The following RAB31 variants were observed in gnomAD, a reference collection of about 807,000 sequenced individuals.
RAB31 encodes the protein ras-related protein Rab-31.
Under a neutral mutation model 25.6 loss-of-function variants are expected in RAB31, and 21 were observed. That is an observed-to-expected ratio of 0.82 (90% CI 0.58 to 1.18). RAB31 has a LOEUF of 1.18. Ranked by LOEUF, RAB31 falls within the 50% of genes most tolerant of loss-of-function variation. The pLI is 0.00. For synonymous variants in RAB31, 87 were observed against 84.0 expected (o/e 1.04, Z -0.20); for missense variants, 196 against 250.1 (o/e 0.78, Z 1.46).
intron 1 of RAB31, among the ~76,000 whole-genome samples, chr18:9,717,524 T>G (rs889635310): frequency 2.0e-5 from 3 of 150,106 alleles, no homozygotes; most frequent in African/African-American, 7.3e-5. Flanking sequence ...TGCCTTTCTA[T>G]CAATGTATTT....
In RAB31 at chr18:9,778,290, C is replaced by T. The variant is rs2068383860; in HGVS notation, c.119+2933C>T. Among the ~76,000 whole-genome samples the T allele has an allele frequency of 5.3e-5, 8 of 151,896 alleles. No homozygotes were observed. The South Asian group carries it at 1.7e-3, about 32-fold the overall frequency. ...AGCCGTGTGTGCATGGAGGGAGGGT[C>T]GGGGATGGATTGCTGCTACCATTTT... On this transcript the variant is annotated intron_variant, in intron 2 of 6. Transcript: ENST00000578921.
At chr18:9,724,249 C>T (rs1442422273) in intron 1 of RAB31, among the ~76,000 whole-genome samples, 9 of 110,236 alleles carry the variant, frequency 8.2e-5, no homozygotes, top group African/African-American at 1.4e-4. Context: ...CCAGCCTGGG[C>T]GACAGAGCGA....
intron 5 of RAB31, among the ~76,000 whole-genome samples, chr18:9,827,349 G>A (rs947391128): frequency 6.6e-6 from 1 of 152,100 alleles, no homozygotes; most frequent in Non-Finnish European, 1.5e-5. Flanking sequence ...ACAAGTGGTA[G>A]CAGTGGGAAG....
chr18:9,782,799 T>A (rs1599036480), intron 2 of RAB31, among the ~76,000 whole-genome samples: 1 of 152,268 alleles, frequency 6.6e-6, no homozygotes, highest in Admixed American at 6.5e-5. Context: ...CAGGCTCAAG[T>A]GATCCTCCCA....
At chr18:9,783,607 A>T (rs1349417198) in intron 2 of RAB31, among the ~76,000 whole-genome samples, 1 of 152,224 alleles carries the variant, frequency 6.6e-6, no homozygotes, top group Non-Finnish European at 1.5e-5. Flanking sequence ...TAAAATTTTT[A>T]AATGAGTTTA....
At chr18:9,774,285 A>G (rs2068360787) in intron 1 of RAB31, among the ~76,000 whole-genome samples, 1 of 151,800 alleles carries the variant, frequency 6.6e-6, no homozygotes, top group Non-Finnish European at 1.5e-5. Flanking sequence ...CCCCTCCCTT[A>G]CCTGTGCCTG....
At chr18:9,857,981 G>A (rs1336212159) in intron 6 of RAB31, among the ~76,000 whole-genome samples, 1 of 152,158 alleles carries the variant, frequency 6.6e-6, no homozygotes, top group Non-Finnish European at 1.5e-5. Flanking sequence ...AGTAAGCCAT[G>A]ATCAAGCCAC....
At chr18:9,823,564 T>C (rs1003589127) in intron 5 of RAB31, among the ~76,000 whole-genome samples, 1 of 152,178 alleles carries the variant, frequency 6.6e-6, no homozygotes, top group African/African-American at 2.4e-5. Flanking sequence ...TACAACTGCA[T>C]GTAAACGAAT....
At chr18:9,822,222 A>G (rs1234823362) in intron 5 of RAB31, among the ~76,000 whole-genome samples, 1 of 152,204 alleles carries the variant, frequency 6.6e-6, no homozygotes, top group African/African-American at 2.4e-5. Flanking sequence ...AAGCAATTCA[A>G]CCAATGACCT....
chr18:9,783,378 C>G (rs910234189), intron 2 of RAB31, among the ~76,000 whole-genome samples: 9 of 152,134 alleles, frequency 5.9e-5, no homozygotes, highest in African/African-American at 1.4e-4. Flanking sequence ...TGGTTCCCCC[C>G]CCTTACCTGC....
intron 1 of RAB31, among the ~76,000 whole-genome samples, chr18:9,753,419 T>A (rs2068245256): frequency 6.6e-6 from 1 of 152,238 alleles, no homozygotes; most frequent in Non-Finnish European, 1.5e-5. Flanking sequence ...TGTGATGCCC[T>A]GCTCCACCTT....
chr18:9,742,718 G>A (rs975113332), intron 1 of RAB31, among the ~76,000 whole-genome samples: 8 of 152,172 alleles, frequency 5.3e-5, no homozygotes, highest in African/African-American at 1.7e-4. Context: ...GGGAAGGAAA[G>A]GGAATGAAAT....
chr18:9,833,778 G>C (rs1022997275), intron 5 of RAB31, among the ~76,000 whole-genome samples: 1 of 152,156 alleles, frequency 6.6e-6, no homozygotes, highest in African/African-American at 2.4e-5. Context: ...TCTGATCTAT[G>C]AGCTGTTATT....
At chr18:9,753,873 C>T (rs574218320) in intron 1 of RAB31, among the ~76,000 whole-genome samples, 3 of 152,100 alleles carry the variant, frequency 2.0e-5, no homozygotes, top group Non-Finnish European at 2.9e-5. Context: ...GCTGTAATTC[C>T]TAAAAGATAG....
chr18:9,835,947 A>C (rs1473026410), intron 5 of RAB31, among the ~76,000 whole-genome samples: 1 of 152,070 alleles, frequency 6.6e-6, no homozygotes, highest in Non-Finnish European at 1.5e-5. Flanking sequence ...TGCTTGCCGG[A>C]ACGGGGCCTG....
At chr18:9,736,989 A>G (rs2068154267) in intron 1 of RAB31, among the ~76,000 whole-genome samples, 2 of 152,200 alleles carry the variant, frequency 1.3e-5, no homozygotes, top group African/African-American at 4.8e-5. Flanking sequence ...ATTAAAATTT[A>G]TTATGTATTT....
chr18:9,850,530 G>A (rs539836517), intron 6 of RAB31, among the ~76,000 whole-genome samples: 1 of 152,304 alleles, frequency 6.6e-6, no homozygotes, highest in South Asian at 2.1e-4. Flanking sequence ...AAAAATGTCT[G>A]GATTGGGGTG....
intron 5 of RAB31, among the ~76,000 whole-genome samples, chr18:9,831,597 C>T (rs564963421): frequency 9.8e-5 from 15 of 152,332 alleles, no homozygotes; most frequent in East Asian, 5.8e-4. Context: ...CGGGCCACCA[C>T]GCTGCCCTGA....
chr18:9,807,696 G>A (rs1333431647), intron 3 of RAB31, among the ~76,000 whole-genome samples: 3 of 152,038 alleles, frequency 2.0e-5, no homozygotes, highest in African/African-American at 7.2e-5. Context: ...TAATCCAGCG[G>A]GGTGCAGTGG....
Sources: allele counts gnomAD v4.1 joint callset (sites outside exome capture counted in the v4.1 genomes callset), GRCh38; gene constraint gnomAD v4.1.1; transcripts MANE v1.5; gene names NCBI Gene and HGNC (gene_info 2026-07-23, HGNC 2026-07-21).